The following CHIA variants were observed in gnomAD, a reference collection of about 807,000 sequenced individuals.
CHIA encodes chitinase acidic.
Under a neutral mutation model 53.5 loss-of-function variants are expected in CHIA, and 47 were observed. The ratio of observed to expected loss-of-function variants is 0.88; its 90% CI spans 0.70 to 1.12. CHIA has a LOEUF of 1.12. Ranked by LOEUF, CHIA falls within the 50% of genes most tolerant of loss-of-function variation. CHIA has a pLI of 0.00. For missense variants in CHIA, 652 were observed against 592.2 expected (o/e 1.10, Z -1.05); for synonymous variants, 268 against 222.2 (o/e 1.21, Z -1.83).
At chr1:111,291,740 T>C (rs1661033592) in intron 1 of CHIA, among the ~76,000 whole-genome samples, 1 of 151,276 alleles carries the variant, frequency 6.6e-6, no homozygotes, top group Admixed American at 6.6e-5. Flanking sequence ...AATGAATTAG[T>C]ATTTTATTTA....
At chr1:111,291,934 A>G (rs1287973930) in intron 1 of CHIA, among the ~76,000 whole-genome samples, 9 of 152,148 alleles carry the variant, frequency 5.9e-5, no homozygotes. Context: ...ACCATGGCAC[A>G]TGTTTACCTA....
intron 2 of CHIA, 81 bp from the exon 3 acceptor site, chr1:111,311,608 G>C: frequency 1.3e-6 from 2 of 1,510,138 alleles, no homozygotes; most frequent in Non-Finnish European, 1.8e-6. Flanking sequence ...TGGCAAATTG[G>C]AAGGCAATCA....
At position 111,312,289 on chromosome 1, in the gene CHIA, C is replaced by G. The variant is rs754284897; in HGVS notation, c.155C>G (p.Thr52Ser). The change falls in exon 4 of 12, where the codon ACC becomes AGC. Residue 52 changes from threonine (T) to serine (S), a missense_variant. Physicochemically the swap from Thr to Ser is moderately conservative, Grantham distance 58 (BLOSUM62 1). Coordinates refer to ENST00000369740, the MANE Select transcript of CHIA (RefSeq NM_201653.4). ...GACAACATCGACCCCTGCCTCTGTA[C>G]CCACCTGATCTACGCCTTTGCTGGG... Reference protein sequence around the residue: ...MPDNIDPCLCTHLIYAFAGRQ... With the variant: ...MPDNIDPCLCSHLIYAFAGRQ... 1 of 1,613,978 alleles carries G rather than the reference C, an allele frequency of 6.2e-7. No individual in the cohort carries two copies. The highest frequency in any genetic ancestry group is 1.1e-5 in the South Asian group (1 of 91,072).
rs956325913 is a variant in CHIA at position 111,315,426 on chromosome 1, C to G, written c.471C>G (p.Val157=). 32 of 1,612,762 alleles carry G rather than the reference C, an allele frequency of 2.0e-5. No individual in the cohort carries two copies. The highest frequency in any genetic ancestry group is 2.5e-5 in the Non-Finnish European group (29 of 1,179,494). ...CTCAGGACAAGCATCTCTTCACTGT[C>G]CTGGTGCAGGTGGGGAAGGAAGTCC... The part of the protein sequence containing the change: ...SPPQDKHLFT[V]LVQEMREAFE... Residue 157 remains valine (V), a synonymous_variant, in exon 6 of 12, where the codon GTC becomes GTG. Transcript: ENST00000369740.
chr1:111,299,030 T>C (rs1280550918), intron 1 of CHIA, among the ~76,000 whole-genome samples: 1 of 152,088 alleles, frequency 6.6e-6, no homozygotes, highest in African/African-American at 2.4e-5. Context: ...CTCCCAAGAC[T>C]AAACCAGGAA....
intron 9 of CHIA, 48 bp downstream of exon 9, chr1:111,318,726 C>A: frequency 6.4e-7 from 1 of 1,555,490 alleles, no homozygotes; most frequent in Non-Finnish European, 8.7e-7. Flanking sequence ...GTGCACTGTG[C>A]CTTAGGGCTA....
intron 2 of CHIA, 22 bp from the exon 3 acceptor site, chr1:111,311,667 C>A (rs755652018): frequency 3.1e-6 from 5 of 1,613,762 alleles, no homozygotes; most frequent in Non-Finnish European, 3.4e-6. Context: ...GTTCAAAGTA[C>A]ATGCTTTTTC....
Position 111,318,526 on chromosome 1 carries a change from G to A in CHIA, c.763G>A (p.Ala255Thr). The A allele has an allele frequency of 1.2e-6, 2 of 1,614,124 alleles. No individual in the cohort carries two copies. The highest frequency in any genetic ancestry group is 8.5e-7 in the Non-Finnish European group (1 of 1,179,964). Residue 255 changes from alanine to threonine, a missense_variant, in exon 9 of 12, where the codon GCA becomes ACA. Ala to Thr is a moderately conservative substitution (Grantham distance 58). Transcript: ENST00000369740. ...YVMNYWKDNGAPAEKLIVGFP... is the reference protein window; with the variant it reads ...YVMNYWKDNGTPAEKLIVGFP... ...CATGAACTACTGGAAGGACAATGGA[G>A]CACCAGCTGAGAAGCTCATCGTTGG...
intron 6 of CHIA, chr1:111,315,883 T>C (rs1217075849): frequency 2.3e-6 from 1 of 440,448 alleles, no homozygotes; most frequent in Non-Finnish European, 4.5e-6. Context: ...GTACATATTC[T>C]GTGGCAGACA....
chr1:111,318,618 C>T lies in CHIA; in HGVS notation c.855C>T (p.Thr285=), dbSNP rs1571305781. Residue 285 remains threonine (T), a synonymous_variant, in exon 9 of 12, where the codon ACC becomes ACT. Coordinates refer to ENST00000369740, the MANE Select transcript of CHIA (RefSeq NM_201653.4). ...CCAACACTGGAATTGGTGCCCCCAC[C>T]TCTGGTGCTGGTCCTGCTGGGCCCT... ...NPSNTGIGAP[T]SGAGPAGPYA... The T allele has an allele frequency of 1.2e-6, 2 of 1,614,208 alleles. No homozygotes were observed. The highest frequency in any genetic ancestry group is 1.3e-5 in the African/African-American group (1 of 75,058).
At chr1:111,291,329 C>A (rs1453157317) in intron 1 of CHIA, among the ~76,000 whole-genome samples, 1 of 152,082 alleles carries the variant, frequency 6.6e-6, no homozygotes, top group East Asian at 1.9e-4. Context: ...TACTATGCAG[C>A]CATAAACAGG....
intron 1 of CHIA, among the ~76,000 whole-genome samples, chr1:111,300,114 C>T (rs552923043): frequency 6.6e-6 from 1 of 152,248 alleles, no homozygotes; most frequent in South Asian, 2.1e-4. Flanking sequence ...ATTCCATGCT[C>T]ATGGATAGGA....
chr1:111,320,201 T>C lies in CHIA; in HGVS notation c.1178-12T>C, dbSNP rs946613778. On this transcript the variant is annotated splice_polypyrimidine_tract_variant and intron_variant, in intron 11 of 11. Coordinates refer to ENST00000369740, the MANE Select transcript of CHIA (RefSeq NM_201653.4). The stretch of plus-strand genomic sequence containing the variant: ...AAGCCCACTAGTCTGCTCTTACTGC[T>C]GTATGTTTCAGGTTGCACGGCTCCA... The C allele has an allele frequency of 1.2e-6, 2 of 1,611,318 alleles. No homozygotes were observed. The highest frequency in any genetic ancestry group is 2.7e-5 in the African/African-American group (2 of 74,874).
rs1281074772 is a variant in CHIA, at chr1:111,290,893, C to T, written c.-126C>T. The T allele has an allele frequency of 4.3e-6, 2 of 469,118 alleles. No homozygotes were observed. The highest frequency in any genetic ancestry group is 4.0e-5 in the African/African-American group (2 of 50,042). The allele number at this position is 469,118 out of a possible 1,614,324, so 29.1% of individuals were successfully genotyped here. On this transcript the variant is annotated 5_prime_UTR_variant, in exon 1 of 12. Coordinates refer to ENST00000369740, the MANE Select transcript of CHIA (RefSeq NM_201653.4). ...TCCTCGTCTGTGCACGAACAGGTGG[C>T]CGACTCTGGAGCCCAGGCTGTTGCT...
Position 111,318,577 on chromosome 1 carries a change from A to T in CHIA, c.814A>T (p.Ile272Phe), listed in dbSNP as rs766162560. ...ATTCCCTACCTATGGACACAACTTC[A>T]TCCTGAGCAACCCCTCCAACACTGG... ...VGFPTYGHNFILSNPSNTGIG... is the reference protein window; with the variant it reads ...VGFPTYGHNFFLSNPSNTGIG... The change falls in exon 9 of 12, where the codon ATC (isoleucine) becomes TTC (phenylalanine). Residue 272 changes from isoleucine to phenylalanine, a missense_variant. Coordinates refer to ENST00000369740, the MANE Select transcript of CHIA (RefSeq NM_201653.4). 6.2e-7 allele frequency: 1 copy of T among 1,614,178 alleles called. No homozygotes were observed. The highest frequency in any genetic ancestry group is 1.3e-5 in the African/African-American group (1 of 75,030).
chr1:111,318,660 G>A lies in CHIA; in HGVS notation c.897G>A (p.Gly299=), dbSNP rs758567221. 2 of 1,613,832 alleles carry A rather than the reference G, an allele frequency of 1.2e-6. No individual in the cohort carries two copies. The highest frequency in any genetic ancestry group is 1.3e-5 in the African/African-American group (1 of 74,940). The change falls in exon 9 of 12, where the codon GGG becomes GGA. Residue 299 remains glycine (G), a synonymous_variant. Transcript: ENST00000369740. ...GPAGPYAKES[G]IWAYYEICTF... is the part of the protein sequence containing the mutation. The stretch of plus-strand genomic sequence containing the variant: ...CTGGGCCCTATGCCAAGGAGTCTGG[G>A]ATCTGGGCTTACTACGAGGTATGTA...
Position 111,318,121 on chromosome 1 carries a change from T to C in CHIA, c.729+12T>C, listed in dbSNP as rs1649323825. ...CCTACCTCAATGTGGTGAGTCCCTG[T>C]ACAGATGCAAGAGCAGACCAGAGAT... is the stretch of plus-strand genomic sequence containing the variant. On this transcript the variant is annotated intron_variant, in intron 8 of 11. Transcript: ENST00000369740. 4 of 1,600,524 alleles carry C rather than the reference T, an allele frequency of 2.5e-6. No individual in the cohort carries two copies. Among genetic ancestry groups the C allele is most frequent in the South Asian group, 1.1e-5 (1 of 90,512 alleles).
At chr1:111,293,178 G>A (rs893020506) in intron 1 of CHIA, among the ~76,000 whole-genome samples, 2 of 152,096 alleles carry the variant, frequency 1.3e-5, no homozygotes, top group African/African-American at 4.8e-5. Context: ...CATAGCAGCT[G>A]TACCGTTTTA....
chr1:111,298,822 A>G (rs967727140), intron 1 of CHIA, among the ~76,000 whole-genome samples: 4 of 152,218 alleles, frequency 2.6e-5, no homozygotes, highest in Non-Finnish European at 5.9e-5. Flanking sequence ...AAAGATCAAC[A>G]AAATTGATAG....
Sources: allele counts gnomAD v4.1 joint callset (sites outside exome capture counted in the v4.1 genomes callset), GRCh38; gene constraint gnomAD v4.1.1; transcripts MANE v1.5; gene names NCBI Gene and HGNC (gene_info 2026-07-23, HGNC 2026-07-21).